Variants in UNC5A observed in about 807,000 individuals in gnomAD.
The protein encoded by UNC5A is unc-5 netrin receptor A, also known as netrin receptor UNC5A.
UNC5A carries 20 observed loss-of-function variants against 87.4 expected under a neutral mutation model. The observed-to-expected ratio is 0.23, with a 90% CI of 0.16 to 0.33. The LOEUF is 0.33. UNC5A is among the 10% of genes least tolerant of loss of function. The pLI, the probability that UNC5A is intolerant of heterozygous loss-of-function variation, is 1.00. For synonymous variants in UNC5A, 438 were observed against 482.3 expected (o/e 0.91, Z 1.20); for missense variants, 844 against 1,133.4 (o/e 0.74, Z 3.67).
At chr5:176,814,291 C>T (rs1756536459) in intron 1 of UNC5A, among the ~76,000 whole-genome samples, 1 of 152,212 alleles carries the variant, frequency 6.6e-6, no homozygotes, top group Non-Finnish European at 1.5e-5. Flanking sequence ...AGGAAAATAC[C>T]TTCCTCCCTC....
chr5:176,849,944 C>T (rs1487174680), intron 1 of UNC5A, among the ~76,000 whole-genome samples: 1 of 152,252 alleles, frequency 6.6e-6, no homozygotes, highest in Non-Finnish European at 1.5e-5. Flanking sequence ...TGGCCCCCGA[C>T]TTGCCAGCCC....
At chr5:176,873,682 G>A (rs549356928) in intron 6 of UNC5A, among the ~76,000 whole-genome samples, 1 of 152,152 alleles carries the variant, frequency 6.6e-6, no homozygotes, top group Non-Finnish European at 1.5e-5. Context: ...TATCCGCTCT[G>A]GGGAAGTAGC....
At chr5:176,833,894 C>T (rs546757178) in intron 1 of UNC5A, among the ~76,000 whole-genome samples, 16 of 152,042 alleles carry the variant, frequency 1.1e-4, no homozygotes, top group African/African-American at 2.7e-4. Context: ...TTAGTAGAGA[C>T]GGGGTTTCAC....
chr5:176,822,229 G>T (rs1283776164), intron 1 of UNC5A, among the ~76,000 whole-genome samples: 6 of 152,278 alleles, frequency 3.9e-5, no homozygotes, highest in Non-Finnish European at 8.8e-5. Flanking sequence ...GGCCCGCGGG[G>T]CGGGGGATGC....
intron 1 of UNC5A, among the ~76,000 whole-genome samples, chr5:176,853,509 T>C (rs1757595598): frequency 6.6e-6 from 1 of 152,160 alleles, no homozygotes; most frequent in African/African-American, 2.4e-5. Context: ...TGGAGCCCAC[T>C]GGGGAAGAGG....
intron 1 of UNC5A, among the ~76,000 whole-genome samples, chr5:176,826,867 C>T (rs564163324): frequency 5.8e-4 from 89 of 152,162 alleles, no homozygotes; most frequent in African/African-American, 2.0e-3. Context: ...TCTCTATCTC[C>T]TGACCTCGTG....
intron 1 of UNC5A, among the ~76,000 whole-genome samples, chr5:176,812,032 C>T (rs1756470407): frequency 6.6e-6 from 1 of 152,224 alleles, no homozygotes; most frequent in Admixed American, 6.5e-5. Context: ...TGACCGCCCG[C>T]CCCATCCTGC....
intron 1 of UNC5A, among the ~76,000 whole-genome samples, chr5:176,834,311 G>A (rs867792454): frequency 2.6e-5 from 4 of 152,172 alleles, no homozygotes; most frequent in Admixed American, 6.5e-5. Context: ...CAGCCCTACC[G>A]AGATGCATGG....
In UNC5A at chr5:176,865,238, T is replaced by A. The variant is rs564336889; in HGVS notation, c.292+2393T>A. Among the ~76,000 whole-genome samples the A allele has an allele frequency of 7.2e-5, 11 of 152,330 alleles. No individual in the cohort carries two copies. In the East Asian group the frequency reaches 1.9e-3, roughly 27 times the overall value. On this transcript the variant is annotated intron_variant, in intron 2 of 14. Coordinates refer to ENST00000329542, the MANE Select transcript of UNC5A (RefSeq NM_133369.3). This position sits in a 1 kb window ranked among gnomAD's most constrained non-coding sequence, Gnocchi z 5.3. ...GCCAGAGAGCTGCTCTCCTGCAGCC[T>A]GGAAGCTCCAGTCCAGCCCCCTGCT...
intron 1 of UNC5A, among the ~76,000 whole-genome samples, chr5:176,826,600 A>G (rs1756858710): frequency 6.6e-6 from 1 of 150,892 alleles, no homozygotes; most frequent in African/African-American, 2.4e-5. Flanking sequence ...TACATTCACA[A>G]TGTTATGCGA....
intron 1 of UNC5A, among the ~76,000 whole-genome samples, chr5:176,856,701 G>A (rs998087120): frequency 3.9e-5 from 6 of 152,122 alleles, no homozygotes; most frequent in Non-Finnish European, 7.4e-5. Context: ...AGGTGGAGCA[G>A]GTCCACCACA....
chr5:176,826,709 C>T (rs1325235357), intron 1 of UNC5A, among the ~76,000 whole-genome samples: 2 of 140,962 alleles, frequency 1.4e-5, no homozygotes, highest in Non-Finnish European at 3.0e-5. Context: ...GGCACGATCT[C>T]GGCTCTCTGC....
chr5:176,828,233 G>A (rs902577844), intron 1 of UNC5A, among the ~76,000 whole-genome samples: 3 of 152,220 alleles, frequency 2.0e-5, no homozygotes, highest in Admixed American at 1.3e-4. Flanking sequence ...CTGTGATTCC[G>A]AATACATTAA....
In UNC5A at chr5:176,878,580, T is replaced by G; in HGVS notation, c.2125T>G (p.Trp709Gly). The change falls in exon 13 of 15, where the codon TGG (tryptophan) becomes GGG (glycine). Residue 709 changes from tryptophan to glycine, a missense_variant. Coordinates refer to ENST00000329542, the MANE Select transcript of UNC5A (RefSeq NM_133369.3). The part of the protein sequence containing the change: ...PSTSDLACKL[W>G]VWQVEGDGQS... ...CACTAGTGACCTGGCCTGCAAGCTG[T>G]GGGTGTGGCAGGTGGAGGGCGACGG... The G allele has an allele frequency of 2.5e-6, 4 of 1,613,038 alleles. No homozygotes were observed. The highest frequency in any genetic ancestry group is 3.4e-6 in the Non-Finnish European group (4 of 1,179,948).
At position 176,868,928 on chromosome 5, in the gene UNC5A, C is replaced by A. The variant is rs779405939; in HGVS notation, c.685C>A (p.Arg229Ser). The change falls in exon 5 of 15, where the codon CGT becomes AGT. Residue 229 changes from arginine (R) to serine (S), a missense_variant. Arg to Ser is a moderately radical substitution (Grantham distance 110, BLOSUM62 -1). Coordinates refer to ENST00000329542, the MANE Select transcript of UNC5A (RefSeq NM_133369.3). ...YTCVAKNIVA[R>S]RRSASAAVIV... is the part of the protein sequence containing the mutation. ...CTGCGTGGCCAAGAACATCGTGGCA[C>A]GTCGCCGCAGCGCCTCCGCTGCTGT... 1 of 1,611,622 alleles carries A rather than the reference C, an allele frequency of 6.2e-7. No individual in the cohort carries two copies. Among genetic ancestry groups the A allele is most frequent in the South Asian group, 1.1e-5 (1 of 90,944 alleles).
Position 176,844,169 on chromosome 5 carries a change from G to A in UNC5A, c.71-18455G>A, listed in dbSNP as rs768279310. Among the ~76,000 whole-genome samples, 1 of 152,306 alleles carries A rather than the reference G, an allele frequency of 6.6e-6. No individual in the cohort carries two copies. Among genetic ancestry groups the A allele is most frequent in the South Asian group, 2.1e-4 (1 of 4,828 alleles). The stretch of plus-strand genomic sequence containing the variant: ...TGAATAAAAGCTGTGACTAAACTCA[G>A]GTCCATGCTGATTGTAGCGTCTCAG... On this transcript the variant is annotated intron_variant, in intron 1 of 14. Transcript: ENST00000329542. This position sits in a 1 kb window ranked among gnomAD's most constrained non-coding sequence, Gnocchi z 4.2.
chr5:176,856,645 C>T (rs60341051), intron 1 of UNC5A, among the ~76,000 whole-genome samples: 1,923 of 152,196 alleles, frequency 0.013, 46 homozygotes, highest in African/African-American at 0.044. Context: ...TCCAGAAAGG[C>T]CTCCAGGAGG....
chr5:176,855,228 G>A (rs554802611), intron 1 of UNC5A, among the ~76,000 whole-genome samples: 1 of 152,230 alleles, frequency 6.6e-6, no homozygotes, highest in African/African-American at 2.4e-5. Flanking sequence ...CCTTACGAAG[G>A]CCTACAATGC....
chr5:176,867,274 CCGCTCCTGAGT>C (rs1342379782), intron 2 of UNC5A, among the ~76,000 whole-genome samples: 1 of 152,100 alleles, frequency 6.6e-6, no homozygotes, highest in Non-Finnish European at 1.5e-5. Flanking sequence ...GTTGCTGCCC[CCGCTCCTGAGT>C]TGTCAGAGGG....
Sources: allele counts gnomAD v4.1 joint callset (sites outside exome capture counted in the v4.1 genomes callset), GRCh38; gene constraint gnomAD v4.1.1; non-coding constraint Gnocchi (gnomAD v3.1); transcripts MANE v1.5; gene names NCBI Gene and HGNC (gene_info 2026-07-23, HGNC 2026-07-21).